Variants in RPS6KA4 observed in about 807,000 individuals in gnomAD.
The protein encoded by RPS6KA4 is ribosomal protein S6 kinase alpha-4.
Under a neutral mutation model 89.6 loss-of-function variants are expected in RPS6KA4, and 38 were observed. That is an observed-to-expected ratio of 0.42 (90% confidence interval 0.33 to 0.56). RPS6KA4 has a LOEUF of 0.56. Among genes scored for constraint, RPS6KA4 ranks in the 20% least tolerant of loss-of-function variants. The pLI, the probability that RPS6KA4 is intolerant of heterozygous loss-of-function variation, is 0.07. For missense variants in RPS6KA4, 873 were observed against 1,098.8 expected (o/e 0.79, Z 2.90); for synonymous variants, 495 against 492.8 (o/e 1.00, Z -0.06).
Position 64,370,964 on chromosome 11 carries a change from T to C in RPS6KA4, c.2121+238T>C, listed in dbSNP as rs1294763608. Among the ~76,000 whole-genome samples, 1 of 150,554 alleles carries C rather than the reference T, an allele frequency of 6.6e-6. No homozygotes were observed. The highest frequency in any genetic ancestry group is 1.5e-5 in the Non-Finnish European group (1 of 67,648). On this transcript the variant is annotated intron_variant, in intron 16 of 16. Coordinates refer to ENST00000334205, the MANE Select transcript of RPS6KA4 (RefSeq NM_003942.3). This position sits in a 1 kb window ranked among gnomAD's most constrained non-coding sequence, Gnocchi z 4.1. ...TCTAAAAAGAGAAAAATTAGCCGGG[T>C]GTGGTGGCGCGCGCCTGTAATCCCA...
intron 8 of RPS6KA4, among the ~76,000 whole-genome samples, chr11:64,362,465 C>T (rs1380708664): frequency 2.6e-5 from 4 of 152,210 alleles, no homozygotes; most frequent in East Asian, 1.9e-4. Context: ...TTCAGATGGA[C>T]GGTTGATCAG....
chr11:64,368,623 C>T, intron 11 of RPS6KA4, 22 bp downstream of exon 11: 1 of 1,586,298 alleles, frequency 6.3e-7, no homozygotes, highest in Non-Finnish European at 8.6e-7. Flanking sequence ...CAGGCGCGGG[C>T]AGGGGTGGGG....
Position 64,371,542 on chromosome 11 carries a change from C to A in RPS6KA4, c.*62C>A. On this transcript the variant is annotated 3_prime_UTR_variant, in exon 17 of 17. Coordinates refer to ENST00000334205, the MANE Select transcript of RPS6KA4 (RefSeq NM_003942.3). ...GTGACCTGGGAGCCCGGCTCACTCCCGGAGGCCTCTGCCTGCGGCTGACCT... is the reference window on the plus strand; with the variant it reads ...GTGACCTGGGAGCCCGGCTCACTCCAGGAGGCCTCTGCCTGCGGCTGACCT... The A allele has an allele frequency of 1.5e-6, 1 of 688,432 alleles. No individual in the cohort carries two copies. The highest frequency in any genetic ancestry group is 2.5e-6 in the Non-Finnish European group (1 of 407,416). 42.6% of individuals were successfully genotyped at this position (688,432 alleles called of 1,614,324 possible).
rs1429287498 is a variant in RPS6KA4 at position 64,368,551 on chromosome 11, C to T, written c.1284C>T (p.Cys428=). 3.8e-6 allele frequency: 6 copies of T among 1,595,094 alleles called. No individual in the cohort carries two copies. The highest frequency in any genetic ancestry group is 1.8e-4 in the Middle Eastern group (1 of 5,504). ...GQGSFSVCRR[C]RQRQSGQEFA... Reference sequence around the variant, plus strand: ...GCAGCTTTTCTGTGTGTCGCCGCTGCCGCCAGCGCCAGAGCGGCCAGGAGT... The same window carrying T: ...GCAGCTTTTCTGTGTGTCGCCGCTGTCGCCAGCGCCAGAGCGGCCAGGAGT... Residue 428 remains cysteine (C), a synonymous_variant, in exon 11 of 17, where the codon TGC becomes TGT. Transcript: ENST00000334205.
Position 64,371,367 on chromosome 11 carries a change from C to T in RPS6KA4, c.2206C>T (p.Arg736Trp), listed in dbSNP as rs1321401996. Residue 736 changes from arginine to tryptophan, a missense_variant, in exon 17 of 17, where the codon CGG (arginine) becomes TGG (tryptophan). Around this residue, in one of 4 missense-constraint regions of RPS6KA4, gnomAD observed 278 missense variants for 284.8 expected, o/e 0.98. Transcript: ENST00000334205. ...PLAKRRKQKL[R>W]SATASRRGSP... Reference sequence around the variant, plus strand: ...GGCCAAGCGGCGGAAGCAGAAGCTGCGGAGCGCCACCGCCTCCCGCCGGGG... The same window carrying T: ...GGCCAAGCGGCGGAAGCAGAAGCTGTGGAGCGCCACCGCCTCCCGCCGGGG... The T allele has an allele frequency of 2.5e-6, 4 of 1,612,510 alleles. No homozygotes were observed. The highest frequency in any genetic ancestry group is 1.1e-5 in the South Asian group (1 of 91,064).
rs751308912 is a variant in RPS6KA4, at chr11:64,369,836, G to A, written c.1740G>A (p.Leu580=). The change falls in exon 14 of 17, where the codon CTG becomes CTA. Residue 580 remains leucine, a synonymous_variant. Coordinates refer to ENST00000334205, the MANE Select transcript of RPS6KA4 (RefSeq NM_003942.3). Reference sequence around the variant, plus strand: ...CGCTGCAGTACGCTGCCCCCGAGCTGCTGGCGCAGCAGGGCTACGACGAGT... The same window carrying A: ...CGCTGCAGTACGCTGCCCCCGAGCTACTGGCGCAGCAGGGCTACGACGAGT... The part of the protein sequence containing the change: ...CFTLQYAAPE[L]LAQQGYDESC... The A allele has an allele frequency of 3.1e-6, 5 of 1,588,768 alleles. No individual in the cohort carries two copies. In the Admixed American group the frequency reaches 8.9e-5, roughly 28 times the overall value.
chr11:64,368,051 G>C, intron 9 of RPS6KA4, 81 bp from the exon 10 acceptor site: 1 of 1,515,318 alleles, frequency 6.6e-7, no homozygotes, highest in Non-Finnish European at 9.0e-7. Flanking sequence ...TCTTGCCTTT[G>C]CCTGGTTCCC....
chr11:64,368,815 G>A lies in RPS6KA4; in HGVS notation c.1428+18G>A, dbSNP rs1450706470. On this transcript the variant is annotated intron_variant, in intron 12 of 16. Coordinates refer to ENST00000334205, the MANE Select transcript of RPS6KA4 (RefSeq NM_003942.3). Reference sequence around the variant, plus strand: ...ACGACCAGGTGATGGCTTCCGGCCAGGGGAGGGCGGAGAGAAAAGGGGCAG... The same window carrying A: ...ACGACCAGGTGATGGCTTCCGGCCAAGGGAGGGCGGAGAGAAAAGGGGCAG... 6.4e-7 allele frequency: 1 copy of A among 1,552,392 alleles called. No individual in the cohort carries two copies. Among genetic ancestry groups the A allele is most frequent in the Admixed American group, 2.0e-5 (1 of 51,114 alleles).
At position 64,368,786 on chromosome 11, in the gene RPS6KA4, C is replaced by T; in HGVS notation, c.1417C>T (p.His473Tyr). Reference protein sequence around the residue: ...HPNVVNLHEVHHDQLHTYLVL... With the variant: ...HPNVVNLHEVYHDQLHTYLVL... ...CAACGTGGTGAATCTGCACGAGGTG[C>T]ATCACGACCAGGTGATGGCTTCCGG... The change falls in exon 12 of 17, where the codon CAT becomes TAT. Residue 473 changes from histidine (H) to tyrosine (Y), a missense_variant. By Grantham distance (83) the His-to-Tyr change is moderately conservative. Transcript: ENST00000334205. 6.4e-7 allele frequency: 1 copy of T among 1,562,208 alleles called. No homozygotes were observed. The highest frequency in any genetic ancestry group is 1.9e-5 in the Admixed American group (1 of 53,224).
chr11:64,370,172 T>G lies in RPS6KA4; in HGVS notation c.1798-53T>G. 6.7e-7 allele frequency: 1 copy of G among 1,499,532 alleles called. No homozygotes were observed. Among genetic ancestry groups the G allele is most frequent in the Admixed American group, 2.4e-5 (1 of 41,714 alleles). 92.9% of individuals were successfully genotyped at this position (1,499,532 alleles called of 1,614,324 possible). ...GAGTGGTTCTGTGGGAGCGGAGGGG[T>G]CAGCCTCGGCACCCCAGCCTGGGCC... On this transcript the variant is annotated intron_variant, in intron 14 of 16. Transcript: ENST00000334205. The surrounding 1 kb of genome is among the most constrained non-coding windows in gnomAD (Gnocchi z 4.1).
At chr11:64,368,311 A>G (rs752718140) in intron 10 of RPS6KA4, 51 bp downstream of exon 10, 1 of 1,595,580 alleles carries the variant, frequency 6.3e-7, no homozygotes, top group South Asian at 1.1e-5. Flanking sequence ...GGAGAGGCCT[A>G]GGCCCGGGGA....
At position 64,361,051 on chromosome 11, in the gene RPS6KA4, C is replaced by T; in HGVS notation, c.463-83C>T. ...CAGATGACTTTCTCTGGGGGGTCTC[C>T]TTATCCTGAGCAGGGCCAGGAGCTG... is the stretch of plus-strand genomic sequence containing the variant. On this transcript the variant is annotated intron_variant, in intron 4 of 16. Coordinates refer to ENST00000334205, the MANE Select transcript of RPS6KA4 (RefSeq NM_003942.3). The surrounding 1 kb of genome is among the most constrained non-coding windows in gnomAD (Gnocchi z 4.7). The T allele has an allele frequency of 2.5e-6, 3 of 1,209,266 alleles. No homozygotes were observed. In the East Asian group the frequency reaches 7.2e-5, roughly 29 times the overall value. 74.9% of individuals were successfully genotyped at this position (1,209,266 alleles called of 1,614,324 possible). A position where few individuals can be genotyped will look rare whatever the true frequency, so the allele number is the denominator to read the frequency against.
intron 9 of RPS6KA4, among the ~76,000 whole-genome samples, chr11:64,366,790 TG>T (rs1449038480): frequency 6.6e-6 from 1 of 152,212 alleles, no homozygotes; most frequent in African/African-American, 2.4e-5. Context: ...TGCAGTCCTC[TG>T]TGGACAGCAT....
At chr11:64,362,079 G>C in intron 8 of RPS6KA4, 77 bp downstream of exon 8, 28 of 1,497,920 alleles carry the variant, frequency 1.9e-5, no homozygotes, top group Non-Finnish European at 2.3e-5. Context: ...GGTTGTGCCT[G>C]GCCAGTTTCA....
chr11:64,365,836 C>T (rs3132740), intron 9 of RPS6KA4, among the ~76,000 whole-genome samples: 97,432 of 151,774 alleles, frequency 0.64, 31,484 homozygotes, highest in East Asian at 0.77. Context: ...GTCAGGAGTT[C>T]GAGACCAGCC....
chr11:64,361,096 C>G lies in RPS6KA4; in HGVS notation c.463-38C>G, dbSNP rs1313488800. 6.4e-7 allele frequency: 1 copy of G among 1,574,194 alleles called. No individual in the cohort carries two copies. The highest frequency in any genetic ancestry group is 1.7e-5 in the Admixed American group (1 of 58,976). On this transcript the variant is annotated intron_variant, in intron 4 of 16. Transcript: ENST00000334205. The surrounding 1 kb of genome is among the most constrained non-coding windows in gnomAD (Gnocchi z 4.7). Reference sequence around the variant, plus strand: ...GAGCTGGAGGAGCTGGGGAGGGTTTCGGGGAGGAAGCCTCAGCACCCCTCT... The same window carrying G: ...GAGCTGGAGGAGCTGGGGAGGGTTTGGGGGAGGAAGCCTCAGCACCCCTCT...
At chr11:64,366,762 G>T (rs904091771) in intron 9 of RPS6KA4, among the ~76,000 whole-genome samples, 5 of 152,178 alleles carry the variant, frequency 3.3e-5, no homozygotes, top group African/African-American at 1.2e-4. Context: ...GGCCCAGGGG[G>T]TCACCCTTTC....
chr11:64,369,344 G>T, intron 12 of RPS6KA4, 102 bp from the exon 13 acceptor site: 1 of 1,293,508 alleles, frequency 7.7e-7, no homozygotes, highest in South Asian at 1.5e-5. Flanking sequence ...GGGGGTTCTC[G>T]AACATTGGCA....
Position 64,370,855 on chromosome 11 carries a change from C to T in RPS6KA4, c.2121+129C>T, listed in dbSNP as rs1217076698. On this transcript the variant is annotated intron_variant, in intron 16 of 16. Transcript: ENST00000334205. The surrounding 1 kb of genome is among the most constrained non-coding windows in gnomAD (Gnocchi z 4.1). The stretch of plus-strand genomic sequence containing the variant: ...GCGCGGTGGCTCACGCCTGTAATCC[C>T]AGCGCTTTGGGAGGCCGAGGCGGGC... 2.1e-5 allele frequency: 26 copies of T among 1,230,274 alleles called. No homozygotes were observed. The highest frequency in any genetic ancestry group is 2.8e-5 in the Non-Finnish European group (26 of 916,388). The allele number at this position is 1,230,274 out of a possible 1,614,324, so 76.2% of individuals were successfully genotyped here.
Sources: gnomAD v4.1 joint callset for allele counts (sites outside exome capture counted in the v4.1 genomes callset) on GRCh38, gnomAD v4.1.1 for gene constraint, gnomAD v4.1.1 regional missense constraint, Gnocchi (gnomAD v3.1) non-coding constraint, MANE v1.5 for transcripts, NCBI Gene and HGNC (gene_info 2026-07-23, HGNC 2026-07-21) for gene names.